The following ERCC5 variants were observed in gnomAD, a reference collection of about 807,000 sequenced individuals.
The protein encoded by ERCC5 is DNA excision repair protein ERCC-5.
ERCC5 carries 68 observed loss-of-function variants against 105.6 expected under a neutral mutation model. The observed-to-expected ratio is 0.64, with a 90% confidence interval of 0.53 to 0.79. The LOEUF is 0.79. Among genes scored for constraint, ERCC5 ranks in the 30% least tolerant of loss-of-function variants. The pLI is 0.00. For synonymous variants in ERCC5, 546 were observed against 526.2 expected (o/e 1.04, Z -0.51); for missense variants, 1,373 against 1,426.7 (o/e 0.96, Z 0.61).
rs1319528274 is a variant in ERCC5 at position 102,861,947 on chromosome 13, C to G, written c.881-83C>G. The G allele has an allele frequency of 1.8e-5, 27 of 1,517,630 alleles. No homozygotes were observed. In the East Asian group the frequency reaches 3.6e-4, roughly 20 times the overall value. 94.0% of individuals were successfully genotyped at this position (1,517,630 alleles called of 1,614,324 possible). On this transcript the variant is annotated intron_variant, in intron 7 of 14. Transcript: ENST00000652225. ...AATGTATATACTTATTTATGAGAAC[C>G]AGTGTTCTCTTATCCATCTTACTAG... is the stretch of plus-strand genomic sequence containing the variant.
chr13:102,875,178 A>T, intron 14 of ERCC5, 129 bp from the exon 15 acceptor site: 1 of 1,077,898 alleles, frequency 9.3e-7, no homozygotes, highest in Non-Finnish European at 1.3e-6. Flanking sequence ...GGGTTTTGGG[A>T]GATAATGAAT....
rs767150364 is a variant in ERCC5, at chr13:102,866,344, C to T, written c.2282C>T (p.Ala761Val). 2.0e-5 allele frequency: 32 copies of T among 1,614,064 alleles called. No individual in the cohort carries two copies. Among genetic ancestry groups the T allele is most frequent in the Non-Finnish European group, 2.6e-5 (31 of 1,180,024 alleles). ...CAAAAACAGCAGCAAGAACGGATCG[C>T]TGCTACTGTCACCGGACAGATGTTC... The part of the protein sequence containing the change: ...KAQKQQQERI[A>V]ATVTGQMFLE... Residue 761 changes from alanine to valine, a missense_variant, in exon 10 of 15, where the codon GCT (alanine) becomes GTT (valine). Ala to Val is a moderately conservative substitution (Grantham distance 64). Around this residue, in one of 3 missense-constraint regions of ERCC5, gnomAD observed 1,004 missense variants for 1,059.7 expected, o/e 0.95. Coordinates refer to ENST00000652225, the MANE Select transcript of ERCC5 (RefSeq NM_000123.4).
chr13:102,858,466 A>C, intron 6 of ERCC5, 48 bp downstream of exon 6: 1 of 1,613,444 alleles, frequency 6.2e-7, no homozygotes, highest in Non-Finnish European at 8.5e-7. Flanking sequence ...GAACTTCAGC[A>C]AAACTTTTTA....
chr13:102,874,561 T>C (rs61967462), intron 14 of ERCC5, among the ~76,000 whole-genome samples: 177 of 152,254 alleles, frequency 1.2e-3, no homozygotes, highest in Non-Finnish European at 2.3e-3. Flanking sequence ...TCACTCTGTC[T>C]CCCAGGCTGG....
chr13:102,869,678 CTT>C (rs1441927192), intron 12 of ERCC5, among the ~76,000 whole-genome samples: 1 of 152,080 alleles, frequency 6.6e-6, no homozygotes, highest in East Asian at 1.9e-4. Flanking sequence ...AATCAAGTGT[CTT>C]TTGTTATTTC....
chr13:102,855,394 C>A (rs930257025), intron 4 of ERCC5, among the ~76,000 whole-genome samples: 3 of 152,092 alleles, frequency 2.0e-5, no homozygotes, highest in African/African-American at 7.2e-5. Flanking sequence ...GGATTACAGG[C>A]ACGTGCCACC....
intron 1 of ERCC5, among the ~76,000 whole-genome samples, chr13:102,846,885 G>A (rs374649629): frequency 1.3e-5 from 2 of 152,278 alleles, no homozygotes; most frequent in South Asian, 4.1e-4. Context: ...TTGTCACTTT[G>A]TGGCAGTGCT....
intron 6 of ERCC5, among the ~76,000 whole-genome samples, 194 bp from the exon 7 acceptor site, chr13:102,861,313 C>A (rs112303781): frequency 1.3e-5 from 2 of 151,888 alleles, no homozygotes; most frequent in African/African-American, 2.4e-5. Context: ...TTTTTTTTGC[C>A]CAACTCTTTC....
chr13:102,852,432 C>CT (rs1882242319), intron 2 of ERCC5, 139 bp downstream of exon 2: 1 of 940,918 alleles, frequency 1.1e-6, no homozygotes, highest in Non-Finnish European at 1.6e-6. Flanking sequence ...ATTACATCTA[C>CT]TTTTTTATCT....
At chr13:102,850,644 A>G (rs1178937047) in intron 1 of ERCC5, among the ~76,000 whole-genome samples, 1 of 152,202 alleles carries the variant, frequency 6.6e-6, no homozygotes, top group Non-Finnish European at 1.5e-5. Flanking sequence ...GGCTCAGGTG[A>G]ATGGCAGGGA....
chr13:102,849,583 T>C (rs2140514803), intron 1 of ERCC5: 1 of 368,992 alleles, frequency 2.7e-6, no homozygotes, highest in African/African-American at 2.1e-5. Context: ...ACCTACATTT[T>C]TTTTTATGTT....
In ERCC5 at chr13:102,856,109, A is replaced by G. The variant is rs771590840; in HGVS notation, c.525A>G (p.Leu175=). ...AAAGAATGAATCAAAAACAAGCATT[A>G]CAGGTATTTAGATCATTTTTGAATT... The part of the protein sequence containing the change: ...WQERMNQKQA[L]QEEFFHNPQA... The change falls in exon 5 of 15, where the codon TTA becomes TTG. Residue 175 remains leucine, a synonymous_variant. Transcript: ENST00000652225. 10 of 1,613,258 alleles carry G rather than the reference A, an allele frequency of 6.2e-6. No homozygotes were observed. Among genetic ancestry groups the G allele is most frequent in the Non-Finnish European group, 8.5e-6 (10 of 1,179,252 alleles).
At chr13:102,859,717 T>C (rs1465285090) in intron 6 of ERCC5, among the ~76,000 whole-genome samples, 2 of 152,182 alleles carry the variant, frequency 1.3e-5, no homozygotes, top group Non-Finnish European at 2.9e-5. Context: ...GTAATTTTGA[T>C]AGAGATGTTC....
At chr13:102,866,480 G>A in intron 10 of ERCC5, 99 bp downstream of exon 10, 2 of 1,609,534 alleles carry the variant, frequency 1.2e-6, no homozygotes, top group South Asian at 1.1e-5. Context: ...CTGGTGCTCA[G>A]GGCCTGGTGA....
Position 102,865,615 on chromosome 13 carries a change from A to G in ERCC5, c.1955-52A>G, listed in dbSNP as rs1595385666. On this transcript the variant is annotated intron_variant, in intron 8 of 14. Transcript: ENST00000652225. The surrounding 1 kb of genome is among the most constrained non-coding windows in gnomAD (Gnocchi z 4.0). ...CCAGAAAGCTCTTGATGATTGCAGG[A>G]TCATTTTAATGTTTTGATTGTAGAT... The G allele has an allele frequency of 1.2e-6, 2 of 1,605,842 alleles. No individual in the cohort carries two copies. Among genetic ancestry groups the G allele is most frequent in the East Asian group, 4.5e-5 (2 of 44,764 alleles).
chr13:102,859,648 A>G lies in ERCC5; in HGVS notation c.672+1230A>G, dbSNP rs4150302. Among the ~76,000 whole-genome samples, 5 of 152,238 alleles carry G rather than the reference A, an allele frequency of 3.3e-5. No individual in the cohort carries two copies. In the East Asian group the frequency reaches 9.6e-4, roughly 29 times the overall value. On this transcript the variant is annotated intron_variant, in intron 6 of 14. Coordinates refer to ENST00000652225, the MANE Select transcript of ERCC5 (RefSeq NM_000123.4). ...TGTTCTTTATTTTCTTTCTGCAACC[A>G]TGAAGTCTCTGGAAGTGGTGGACTG...
intron 13 of ERCC5, among the ~76,000 whole-genome samples, chr13:102,872,618 C>G (rs999143285): frequency 2.6e-5 from 4 of 152,056 alleles, no homozygotes; most frequent in African/African-American, 9.7e-5. Context: ...TGTCACCCAG[C>G]CTGGAGTGCA....
intron 8 of ERCC5, among the ~76,000 whole-genome samples, chr13:102,864,159 C>CACACACACACAG (rs1882750213): frequency 6.6e-6 from 1 of 151,424 alleles, no homozygotes; most frequent in African/African-American, 2.4e-5. Context: ...CACACACACA[C>CACACACACACAG]ACACACAATT....
At chr13:102,861,094 T>G (rs1225022059) in intron 6 of ERCC5, among the ~76,000 whole-genome samples, 3 of 151,960 alleles carry the variant, frequency 2.0e-5, no homozygotes, top group Admixed American at 1.3e-4. Context: ...GTTCAAGTGA[T>G]TCTCCTGCCT....
Sources: gnomAD v4.1 joint callset for allele counts (sites outside exome capture counted in the v4.1 genomes callset) on GRCh38, gnomAD v4.1.1 for gene constraint, gnomAD v4.1.1 regional missense constraint, Gnocchi (gnomAD v3.1) non-coding constraint, MANE v1.5 for transcripts, NCBI Gene and HGNC (gene_info 2026-07-23, HGNC 2026-07-21) for gene names.